Variants in TMEM132B observed in about 807,000 individuals in gnomAD.
TMEM132B encodes transmembrane protein 132B.
TMEM132B carries 18 observed loss-of-function variants against 90.8 expected under a neutral mutation model. The observed-to-expected ratio is 0.20, with a 90% confidence interval of 0.14 to 0.29. The LOEUF is 0.29. Ranked by LOEUF, TMEM132B falls within the 10% of genes least tolerant of loss-of-function variation. TMEM132B has a pLI of 1.00. For missense variants in TMEM132B, 1,096 were observed against 1,326.8 expected, an observed-to-expected ratio of 0.83 and a Z score of 2.70; for synonymous variants, 504 against 523.3, an observed-to-expected ratio of 0.96 and a Z score of 0.50.
intron 1 of TMEM132B, chr12:125,301,769 T>C (rs140946767): frequency 0.094 from 14,272 of 152,116 alleles, 702 homozygotes; most frequent in South Asian, 0.11. Context: ...GTCCCAGCTA[T>C]TCGGGAGGCT....
intron 1 of TMEM132B, among the ~76,000 whole-genome samples, chr12:125,273,060 T>G (rs557428625): frequency 6.6e-6 from 1 of 152,238 alleles, no homozygotes; most frequent in Admixed American, 6.5e-5. Context: ...AGATACAAAA[T>G]CATCTTTATA....
At chr12:125,328,031 A>G (rs1286567624) in intron 1 of TMEM132B, among the ~76,000 whole-genome samples, 3 of 152,222 alleles carry the variant, frequency 2.0e-5, no homozygotes, top group African/African-American at 7.2e-5. Context: ...TTGTAAAACA[A>G]AGTCACCCTG....
At position 125,407,281 on chromosome 12, in the gene TMEM132B, C is replaced by T. The variant is rs1254516507; in HGVS notation, c.960-8250C>T. ...CAGGAGGTGAAGGCAAAGGCCAGAC[C>T]TCTCTTCGGGCAAAGTTAATCCTTT... On this transcript the variant is annotated intron_variant, in intron 2 of 8. Transcript: ENST00000682704. This position sits in a 1 kb window ranked among gnomAD's most constrained non-coding sequence, Gnocchi z 6.7. Among the ~76,000 whole-genome samples, 2 of 152,246 alleles carry T rather than the reference C, an allele frequency of 1.3e-5. No individual in the cohort carries two copies. Among genetic ancestry groups the T allele is most frequent in the Admixed American group, 6.5e-5 (1 of 15,286 alleles).
intron 2 of TMEM132B, among the ~76,000 whole-genome samples, chr12:125,387,513 C>T (rs765745412): frequency 1.1e-4 from 16 of 152,216 alleles, no homozygotes; most frequent in Non-Finnish European, 2.4e-4. Flanking sequence ...TCACATGTCA[C>T]AGGTCTGTAG....
chr12:125,302,153 T>C (rs931901476), intron 1 of TMEM132B, among the ~76,000 whole-genome samples: 2 of 152,032 alleles, frequency 1.3e-5, no homozygotes, highest in Admixed American at 6.6e-5. Flanking sequence ...TGAGCTGAGA[T>C]TGTGCTGCTG....
chr12:125,348,848 A>G (rs1408620857), intron 1 of TMEM132B, among the ~76,000 whole-genome samples: 2 of 152,220 alleles, frequency 1.3e-5, no homozygotes, highest in African/African-American at 4.8e-5. Flanking sequence ...ATTCTAAATG[A>G]TGGTGTGGTG....
At chr12:125,319,332 G>A (rs1876368257) in intron 1 of TMEM132B, among the ~76,000 whole-genome samples, 1 of 152,232 alleles carries the variant, frequency 6.6e-6, no homozygotes, top group African/African-American at 2.4e-5. Flanking sequence ...GAGAGGGACA[G>A]GCAGAGGAAG....
chr12:125,529,984 G>A (rs764968346), intron 4 of TMEM132B, among the ~76,000 whole-genome samples: 19 of 152,146 alleles, frequency 1.2e-4, no homozygotes, highest in Non-Finnish European at 2.2e-4. Context: ...AGCTGTGATT[G>A]TGCCACCACA....
At chr12:125,215,198 T>C (rs929785296) in intron 1 of TMEM132B, among the ~76,000 whole-genome samples, 1 of 152,238 alleles carries the variant, frequency 6.6e-6, no homozygotes, top group African/African-American at 2.4e-5. Flanking sequence ...CCAGGATTTC[T>C]ATAGATATGA....
intron 2 of TMEM132B, among the ~76,000 whole-genome samples, chr12:125,401,831 T>C (rs1212498215): frequency 6.6e-6 from 1 of 152,122 alleles, no homozygotes; most frequent in Non-Finnish European, 1.5e-5. Flanking sequence ...GATTGGGATT[T>C]TTTTTTCTTC....
chr12:125,508,785 T>C (rs1161622689), intron 3 of TMEM132B, among the ~76,000 whole-genome samples: 2 of 151,166 alleles, frequency 1.3e-5, no homozygotes, highest in African/African-American at 4.9e-5. Flanking sequence ...TCTTTCTTTT[T>C]TTTTTTTTTT....
Position 125,431,242 on chromosome 12 carries a change from G to A in TMEM132B, c.1106+15565G>A, listed in dbSNP as rs375452850. 2.1e-4 allele frequency among the ~76,000 whole-genome samples: 32 copies of A among 152,186 alleles called. No homozygotes were observed. In the East Asian group the frequency reaches 4.9e-3, roughly 23 times the overall value. ...CCTGGGAGCCCAGGTGAGGGCTATCGCCATCATCCAGGGGCTGTAATTGAA... is the reference window on the plus strand; with the variant it reads ...CCTGGGAGCCCAGGTGAGGGCTATCACCATCATCCAGGGGCTGTAATTGAA... On this transcript the variant is annotated intron_variant, in intron 3 of 8. Coordinates refer to ENST00000682704, the MANE Select transcript of TMEM132B (RefSeq NM_001366854.1).
intron 3 of TMEM132B, among the ~76,000 whole-genome samples, chr12:125,426,746 A>G (rs1404205650): frequency 6.6e-6 from 1 of 152,202 alleles, no homozygotes; most frequent in Non-Finnish European, 1.5e-5. Flanking sequence ...CCTGTTGCCT[A>G]TCTCAGTAAA....
At chr12:125,489,579 AT>A (rs1415277717) in intron 3 of TMEM132B, among the ~76,000 whole-genome samples, 1 of 151,592 alleles carries the variant, frequency 6.6e-6, no homozygotes, top group Non-Finnish European at 1.5e-5. Flanking sequence ...GCTAATTTTA[AT>A]TTTTTTCTTT....
At chr12:125,228,026 C>T (rs1417956183) in intron 1 of TMEM132B, among the ~76,000 whole-genome samples, 2 of 152,206 alleles carry the variant, frequency 1.3e-5, no homozygotes, top group Non-Finnish European at 2.9e-5. Flanking sequence ...ATTCCTCACA[C>T]GATGCTTCCT....
chr12:125,641,662 G>A (rs372006731), intron 5 of TMEM132B, among the ~76,000 whole-genome samples: 2 of 152,152 alleles, frequency 1.3e-5, no homozygotes, highest in South Asian at 2.1e-4. Context: ...AGATGGGGCA[G>A]GTTTAAGACT....
At chr12:125,454,392 T>TGTTTG (rs1555250638) in intron 3 of TMEM132B, among the ~76,000 whole-genome samples, 35 of 112,080 alleles carry the variant, frequency 3.1e-4, no homozygotes, top group Non-Finnish European at 5.7e-4. Flanking sequence ...GTGTGTGTGT[T>TGTTTG]TGTGTGTGTG....
intron 2 of TMEM132B, among the ~76,000 whole-genome samples, chr12:125,403,273 C>T (rs1368676171): frequency 6.6e-6 from 1 of 152,198 alleles, no homozygotes; most frequent in Non-Finnish European, 1.5e-5. Context: ...TCTTTCCCTC[C>T]TCCCCTCTGG....
chr12:125,499,808 A>C (rs755346390), intron 3 of TMEM132B, among the ~76,000 whole-genome samples: 1 of 152,222 alleles, frequency 6.6e-6, no homozygotes, highest in Non-Finnish European at 1.5e-5. Flanking sequence ...TTTACTAATC[A>C]TAGGTTATGG....
Sources: allele counts gnomAD v4.1 joint callset (sites outside exome capture counted in the v4.1 genomes callset), GRCh38; gene constraint gnomAD v4.1.1; non-coding constraint Gnocchi (gnomAD v3.1); transcripts MANE v1.5; gene names NCBI Gene and HGNC (gene_info 2026-07-23, HGNC 2026-07-21).